The following PKIB variants were observed in gnomAD, a reference collection of about 807,000 sequenced individuals.
PKIB encodes cAMP-dependent protein kinase inhibitor beta.
A neutral mutation model predicts 4.5 loss-of-function variants in PKIB; 2 were observed. The observed-to-expected ratio is 0.44, with a 90% confidence interval of 0.18 to 1.39. The LOEUF is 1.39. PKIB is among the 40% of genes most tolerant of loss of function. The pLI, the probability that PKIB is intolerant of heterozygous loss-of-function variation, is 0.27. For missense variants in PKIB, 94 were observed against 92.6 expected, an observed-to-expected ratio of 1.02 and a Z score of -0.06; for synonymous variants, 38 against 36.0, an observed-to-expected ratio of 1.06 and a Z score of -0.20.
intron 2 of PKIB, among the ~76,000 whole-genome samples, chr6:122,485,301 A>G (rs1320947898): frequency 6.6e-6 from 1 of 151,972 alleles, no homozygotes; most frequent in East Asian, 1.9e-4. Flanking sequence ...GAATTAATCT[A>G]TTACATGAGA....
intron 1 of PKIB, among the ~76,000 whole-genome samples, chr6:122,614,016 G>A (rs9388103): frequency 0.095 from 14,244 of 149,770 alleles, 815 homozygotes; most frequent in East Asian, 0.18. Flanking sequence ...AAATGGATAT[G>A]CTACTTTTTA....
chr6:122,483,126 T>C (rs1775673430), intron 2 of PKIB: 1 of 152,210 alleles, frequency 6.6e-6, no homozygotes, highest in Non-Finnish European at 1.5e-5. Flanking sequence ...GAATTATTTG[T>C]CGAAGTATTA....
At chr6:122,699,286 T>A (rs61043938) in intron 3 of PKIB, among the ~76,000 whole-genome samples, 409 of 3,068 alleles carry the variant, frequency 0.13, 1 homozygote, top group East Asian at 0.16. Flanking sequence ...TGAACTAAAA[T>A]ATATATATAT....
intron 1 of PKIB, chr6:122,472,131 T>G (rs1582641616): frequency 5.4e-6 from 1 of 185,532 alleles, no homozygotes; most frequent in South Asian, 1.2e-4. Context: ...CGTTTTGCCC[T>G]CCTTCATCTG....
chr6:122,681,473 C>T (rs977133189), intron 3 of PKIB, among the ~76,000 whole-genome samples: 2 of 152,128 alleles, frequency 1.3e-5, no homozygotes, highest in Non-Finnish European at 2.9e-5. Flanking sequence ...TTTTATTATA[C>T]TCCAATGATA....
intron 2 of PKIB, among the ~76,000 whole-genome samples, chr6:122,637,014 A>G (rs1176805971): frequency 6.6e-6 from 1 of 152,222 alleles, no homozygotes; most frequent in Non-Finnish European, 1.5e-5. Context: ...TTAGGAAAAC[A>G]TGTAAATTTG....
intron 2 of PKIB, among the ~76,000 whole-genome samples, chr6:122,538,039 T>C (rs540923202): frequency 5.0e-4 from 76 of 152,216 alleles, no homozygotes; most frequent in African/African-American, 1.6e-3. Context: ...GTTTTTTTCT[T>C]GTAAATTTGT....
intron 3 of PKIB, among the ~76,000 whole-genome samples, chr6:122,709,573 A>C (rs148806664): frequency 1.2e-4 from 18 of 152,158 alleles, no homozygotes; most frequent in Admixed American, 2.6e-4. Context: ...ATGAGTATAA[A>C]ATGAGTTGCA....
intron 2 of PKIB, among the ~76,000 whole-genome samples, chr6:122,670,233 T>G (rs760114105): frequency 6.6e-6 from 1 of 152,088 alleles, no homozygotes; most frequent in Non-Finnish European, 1.5e-5. Context: ...TTGCATGACC[T>G]AGCAGCATGG....
At chr6:122,657,749 A>G (rs999436446) in intron 2 of PKIB, among the ~76,000 whole-genome samples, 5 of 152,256 alleles carry the variant, frequency 3.3e-5, no homozygotes, top group African/African-American at 9.6e-5. Context: ...TTTGAAAGAT[A>G]TGGAAGCAAT....
intron 2 of PKIB, among the ~76,000 whole-genome samples, chr6:122,639,089 G>C (rs1157989852): frequency 6.6e-6 from 1 of 152,180 alleles, no homozygotes; most frequent in African/African-American, 2.4e-5. Context: ...AAAGGCAAAA[G>C]AGAAACTTAG....
At chr6:122,578,521 T>G (rs539127159) in intron 2 of PKIB, among the ~76,000 whole-genome samples, 74 of 152,310 alleles carry the variant, frequency 4.9e-4, no homozygotes, top group African/African-American at 1.8e-3. Context: ...TTCTTTTGTC[T>G]TTTCAATTCC....
chr6:122,676,810 C>T (rs1043270890), intron 3 of PKIB, among the ~76,000 whole-genome samples: 9 of 152,220 alleles, frequency 5.9e-5, no homozygotes, highest in East Asian at 1.9e-4. Context: ...ACACATTTTG[C>T]GGCAATATAG....
chr6:122,494,147 A>C (rs1385683845), intron 2 of PKIB, among the ~76,000 whole-genome samples: 1 of 152,228 alleles, frequency 6.6e-6, no homozygotes, highest in Non-Finnish European at 1.5e-5. Flanking sequence ...ATTTGAGAAC[A>C]TGCTTGATTA....
intron 1 of PKIB, among the ~76,000 whole-genome samples, chr6:122,621,986 G>A (rs1384720471): frequency 6.6e-6 from 1 of 152,086 alleles, no homozygotes; most frequent in African/African-American, 2.4e-5. Flanking sequence ...GTCACATATG[G>A]ATTAAAGAAG....
intron 3 of PKIB, among the ~76,000 whole-genome samples, chr6:122,597,569 G>A (rs9372705): frequency 0.1 from 15,384 of 152,234 alleles, 971 homozygotes; most frequent in East Asian, 0.18. Flanking sequence ...AGGCCAAATG[G>A]AAGAGTTGAA....
chr6:122,684,728 T>C (rs1027807184), intron 3 of PKIB, among the ~76,000 whole-genome samples: 3 of 152,182 alleles, frequency 2.0e-5, no homozygotes, highest in African/African-American at 7.2e-5. Flanking sequence ...TTTTGTTTAT[T>C]AATGAGCTGA....
At chr6:122,595,864 G>A (rs1430342240) in intron 3 of PKIB, among the ~76,000 whole-genome samples, 1 of 152,112 alleles carries the variant, frequency 6.6e-6, no homozygotes, top group Non-Finnish European at 1.5e-5. Flanking sequence ...CCACAGAACC[G>A]GTTATCCTAT....
intron 3 of PKIB, among the ~76,000 whole-genome samples, chr6:122,588,944 T>G (rs1773934128): frequency 6.6e-6 from 1 of 152,114 alleles, no homozygotes; most frequent in Non-Finnish European, 1.5e-5. Context: ...GTGTTTTCCA[T>G]CAGAAAAATA....
Sources: allele counts gnomAD v4.1 joint callset (sites outside exome capture counted in the v4.1 genomes callset), GRCh38; gene constraint gnomAD v4.1.1; transcripts MANE v1.5; gene names NCBI Gene and HGNC (gene_info 2026-07-23, HGNC 2026-07-21).